Variants in IAH1 observed in about 807,000 individuals in gnomAD.
IAH1 encodes isoamyl acetate-hydrolyzing esterase 1 homolog.
IAH1 carries 24 observed loss-of-function variants against 26.7 expected under a neutral mutation model. The observed-to-expected ratio is 0.90, with a 90% CI of 0.65 to 1.26. The LOEUF (loss-of-function observed/expected upper bound fraction) is 1.26, where lower values mean the gene tolerates loss of function less well. IAH1 is among the 50% of genes most tolerant of loss of function. The probability of loss-of-function intolerance (pLI) is 0.00; values close to 1 mark genes in which losing one functional copy is unlikely to be tolerated. For synonymous variants in IAH1, 140 were observed against 118.5 expected (o/e 1.18, Z -1.18); for missense variants, 300 against 299.9 (o/e 1.00, Z 0.00).
chr2:9,481,488 A>G lies in IAH1; in HGVS notation c.445+41A>G, dbSNP rs745880192. ...CCAATCTCGGCAAATCTGGATAGGA[A>G]TGCTGAGGGAGGAACTCTGATAGGA... On this transcript the variant is annotated intron_variant, in intron 4 of 5. Transcript: ENST00000497473. 29 of 1,602,096 alleles carry G rather than the reference A, an allele frequency of 1.8e-5. No homozygotes were observed. The South Asian group carries it at 3.1e-4, about 17-fold the overall frequency.
downstream of IAH1, chr2:9,496,968 C>A: frequency 3.2e-6 from 4 of 1,237,134 alleles, no homozygotes; most frequent in East Asian, 2.5e-5. Flanking sequence ...TGTCTCCAGA[C>A]ACCACCCTGC....
intron 3 of IAH1, among the ~76,000 whole-genome samples, chr2:9,479,836 T>C: frequency 7.9e-6 from 1 of 126,004 alleles, no homozygotes; most frequent in Admixed American, 9.7e-5. Context: ...TTTTTGACAG[T>C]TTCACACTCT....
intron 2 of IAH1, among the ~76,000 whole-genome samples, chr2:9,476,539 G>C (rs1158081023): frequency 6.6e-6 from 1 of 152,242 alleles, no homozygotes; most frequent in Non-Finnish European, 1.5e-5. Context: ...GAGCAACAAG[G>C]CTGTTTATTC....
chr2:9,477,734 A>C (rs930145209), intron 2 of IAH1, among the ~76,000 whole-genome samples: 4 of 152,188 alleles, frequency 2.6e-5, no homozygotes, highest in African/African-American at 9.6e-5. Context: ...GGAAACAAAA[A>C]GTATTAACCG....
the IAH1 span, among the ~76,000 whole-genome samples, chr2:9,504,504 C>A: frequency 6.6e-6 from 1 of 151,714 alleles, no homozygotes; most frequent in Non-Finnish European, 1.5e-5. Context: ...CGGTGCCTCA[C>A]ACCTGTAATC....
rs144239667 is a variant in IAH1 at position 9,480,975 on chromosome 2, C to T, written c.284-311C>T. The T allele has an allele frequency of 2.1e-3, 466 of 218,138 alleles. 2 individuals are homozygous for T. Among genetic ancestry groups the T allele is most frequent in the African/African-American group, 0.01 (448 of 43,652 alleles). The allele number at this position is 218,138 out of a possible 1,614,324, so 13.5% of individuals were successfully genotyped here. A position where few individuals can be genotyped will look rare whatever the true frequency, so the allele number is the denominator to read the frequency against. On this transcript the variant is annotated intron_variant, in intron 3 of 5. Coordinates refer to ENST00000497473, the MANE Select transcript of IAH1 (RefSeq NM_001039613.3). ...ACAAAGCCAGGATTTGAACCTAGGC[C>T]GTCTCACCCAACAGGGTGGGCTCTT...
Position 9,481,321 on chromosome 2 carries a change from T to A in IAH1, c.319T>A (p.Tyr107Asn). The A allele has an allele frequency of 6.2e-7, 1 of 1,614,076 alleles. No homozygotes were observed. The highest frequency in any genetic ancestry group is 8.5e-7 in the Non-Finnish European group (1 of 1,180,006). The change falls in exon 4 of 6, where the codon TAC becomes AAC. Residue 107 changes from tyrosine (Y) to asparagine (N), a missense_variant. Physicochemically the swap from Tyr to Asn is moderately radical, Grantham distance 143 (BLOSUM62 -2). Transcript: ENST00000497473. Reference sequence around the variant, plus strand: ...CAAGCAGCACATTCCCCTGGAGGAGTACGCTGCGAACCTAAAGAGCATGGT... The same window carrying A: ...CAAGCAGCACATTCCCCTGGAGGAGAACGCTGCGAACCTAAAGAGCATGGT... ...NPKQHIPLEE[Y>N]AANLKSMVQY...
chr2:9,498,454 A>G (rs569860547), downstream of IAH1, among the ~76,000 whole-genome samples: 6 of 152,142 alleles, frequency 3.9e-5, no homozygotes, highest in East Asian at 5.8e-4. Flanking sequence ...AGAGGAGGAG[A>G]AAAAAAACAC....
downstream of IAH1, among the ~76,000 whole-genome samples, chr2:9,500,167 GAATA>G (rs1412998997): frequency 2.6e-5 from 4 of 152,104 alleles, no homozygotes; most frequent in African/African-American, 7.2e-5. Context: ...ACCAATGAAT[GAATA>G]AACAAAATGT....
chr2:9,475,796 A>G (rs1347530475), intron 1 of IAH1, 191 bp from the exon 2 acceptor site: 9 of 612,114 alleles, frequency 1.5e-5, no homozygotes, highest in East Asian at 1.1e-4. Flanking sequence ...AGCTTTTGAT[A>G]GAGAAAAATC....
chr2:9,478,520 T>A (rs1455213139), intron 3 of IAH1, 150 bp downstream of exon 3: 11 of 702,080 alleles, frequency 1.6e-5, no homozygotes, highest in Admixed American at 1.4e-4. Flanking sequence ...ATTCCTGGCT[T>A]TAACACTGGT....
the IAH1 span, among the ~76,000 whole-genome samples, chr2:9,503,416 G>A: frequency 6.6e-6 from 1 of 152,158 alleles, no homozygotes; most frequent in Non-Finnish European, 1.5e-5. Context: ...CCAGTATATA[G>A]AATCATGATA....
chr2:9,503,137 CAAAA>C, the IAH1 span, among the ~76,000 whole-genome samples: 6 of 74,204 alleles, frequency 8.1e-5, no homozygotes, highest in African/African-American at 1.9e-4. Context: ...GAGACTCTCT[CAAAA>C]AAAAAAAAAA....
At chr2:9,480,240 G>A (rs1247714292) in intron 3 of IAH1, among the ~76,000 whole-genome samples, 1 of 152,166 alleles carries the variant, frequency 6.6e-6, no homozygotes, top group East Asian at 1.9e-4. Context: ...AATATGTTAT[G>A]TGAGCCAGGC....
chr2:9,490,394 T>C, downstream of IAH1: 1 of 1,614,042 alleles, frequency 6.2e-7, no homozygotes, highest in Non-Finnish European at 8.5e-7. Context: ...GTGGTCCAGT[T>C]TTGGAGCTGC....
In IAH1 at chr2:9,481,422, C is replaced by G. The variant is rs766046670; in HGVS notation, c.420C>G (p.Ala140=). The G allele has an allele frequency of 2.5e-6, 4 of 1,614,132 alleles. No individual in the cohort carries two copies. Among genetic ancestry groups the G allele is most frequent in the Non-Finnish European group, 3.4e-6 (4 of 1,180,026 alleles). ...CGCCGACCCCACTTTGTGAAACAGCCTGGGAAGAACAGTGCATCATACAAG... is the reference window on the plus strand; with the variant it reads ...CGCCGACCCCACTTTGTGAAACAGCGTGGGAAGAACAGTGCATCATACAAG... The part of the protein sequence containing the change: ...LITPTPLCET[A]WEEQCIIQGC... Residue 140 remains alanine, a synonymous_variant, in exon 4 of 6, where the codon GCC becomes GCG. Transcript: ENST00000497473.
chr2:9,484,566 C>A lies in IAH1; in HGVS notation c.564+16C>A. The A allele has an allele frequency of 6.5e-7, 1 of 1,533,068 alleles. No individual in the cohort carries two copies. The highest frequency in any genetic ancestry group is 1.1e-5 in the South Asian group (1 of 89,416). 95.0% of individuals were successfully genotyped at this position (1,533,068 alleles called of 1,614,324 possible). A position where few individuals can be genotyped will look rare whatever the true frequency, so the allele number is the denominator to read the frequency against. On this transcript the variant is annotated intron_variant, in intron 5 of 5. Coordinates refer to ENST00000497473, the MANE Select transcript of IAH1 (RefSeq NM_001039613.3). ...GGACAGCCAGGTACGGTGGCTTGCT[C>A]GGTCCTCTCGGGGTAAATAGGATCA...
chr2:9,505,560 C>T, the IAH1 span: 3 of 596,496 alleles, frequency 5.0e-6, no homozygotes, highest in Non-Finnish European at 8.9e-6. Context: ...CCATAGAATG[C>T]TAAATGGCTG....
chr2:9,476,123 C>T lies in IAH1; in HGVS notation c.134+84C>T, dbSNP rs1660773719. 11 of 1,164,130 alleles carry T rather than the reference C, an allele frequency of 9.4e-6. No individual in the cohort carries two copies. In the South Asian group the frequency reaches 1.4e-4, roughly 15 times the overall value. 72.1% of individuals were successfully genotyped at this position (1,164,130 alleles called of 1,614,324 possible). On this transcript the variant is annotated intron_variant, in intron 2 of 5. Coordinates refer to ENST00000497473, the MANE Select transcript of IAH1 (RefSeq NM_001039613.3). ...CTTATGGATGAAGGATAGTTCTGAA[C>T]AGAACATTCCTCCTTTATTAATTTT...
Sources: gnomAD v4.1 joint callset for allele counts (sites outside exome capture counted in the v4.1 genomes callset) on GRCh38, gnomAD v4.1.1 for gene constraint, MANE v1.5 for transcripts, NCBI Gene and HGNC (gene_info 2026-07-23, HGNC 2026-07-21) for gene names.